Variants in TAF8 observed in about 807,000 individuals in gnomAD.
TAF8 encodes transcription initiation factor TFIID subunit 8.
TAF8 carries 47 observed loss-of-function variants against 36.5 expected under a neutral mutation model. That is an observed-to-expected ratio of 1.29 (90% CI 1.02 to 1.64). The LOEUF (loss-of-function observed/expected upper bound fraction) is 1.64. Ranked by LOEUF, TAF8 falls within the 40% of genes most tolerant of loss-of-function variation. TAF8 has a pLI of 0.00. For synonymous variants in TAF8, 175 were observed against 159.5 expected, an observed-to-expected ratio of 1.10 and a Z score of -0.73; for missense variants, 420 against 407.6, an observed-to-expected ratio of 1.03 and a Z score of -0.26.
chr6:42,066,532 G>A, intron 6 of TAF8, 73 bp downstream of exon 6: 2 of 1,554,058 alleles, frequency 1.3e-6, no homozygotes, highest in Admixed American at 1.7e-5. Context: ...CTCTCAGCAT[G>A]GTAGGAAGAA....
chr6:42,064,956 C>CAAAAAA (rs59214523), intron 5 of TAF8, among the ~76,000 whole-genome samples: 1 of 73,730 alleles, frequency 1.4e-5, no homozygotes, highest in Non-Finnish European at 2.5e-5. Context: ...GACTCTGTCT[C>CAAAAAA]AAAAAAAAAA....
In TAF8 at chr6:42,079,684, G is replaced by T. The variant is rs78287347; in HGVS notation, c.*2139G>T. The stretch of plus-strand genomic sequence containing the variant: ...TTCAAGCAATTCTCAGAGTAGCTGG[G>T]ATTACAGATGCCCGCCACCACATCT... On this transcript the variant is annotated 3_prime_UTR_variant, in exon 9 of 9. Coordinates refer to ENST00000372977, the MANE Select transcript of TAF8 (RefSeq NM_138572.3). 2,028 of 703,294 alleles carry T rather than the reference G, an allele frequency of 2.9e-3. 36 individuals carry two copies. The African/African-American group carries it at 0.037, about 13-fold the overall frequency. The allele number at this position is 703,294 out of a possible 1,614,324, so 43.6% of individuals were successfully genotyped here. A position where few individuals can be genotyped will look rare whatever the true frequency, so the allele number is the denominator to read the frequency against.
At chr6:42,065,191 C>G (rs1765319709) in intron 5 of TAF8, among the ~76,000 whole-genome samples, 1 of 151,334 alleles carries the variant, frequency 6.6e-6, no homozygotes, top group African/African-American at 2.4e-5. Context: ...ACTAAAAATA[C>G]AAAAATTAGC....
At chr6:42,072,024 C>A (rs1765596351) in intron 7 of TAF8, among the ~76,000 whole-genome samples, 1 of 152,174 alleles carries the variant, frequency 6.6e-6, no homozygotes. Context: ...TGCCTAGCTT[C>A]AAATCCAGGC....
At chr6:42,057,246 T>C in intron 4 of TAF8, 143 bp from the exon 5 acceptor site, 1 of 1,210,452 alleles carries the variant, frequency 8.3e-7, no homozygotes, top group Non-Finnish European at 1.2e-6. Flanking sequence ...AAAGACCTTT[T>C]ATCGATTGAA....
At chr6:42,083,350 C>T (rs746786920), downstream of TAF8, 1 of 152,120 alleles carries the variant, frequency 6.6e-6, no homozygotes, top group Non-Finnish European at 1.5e-5. Flanking sequence ...GGTTTCCAGC[C>T]CTCTGTTCTT....
At chr6:42,077,482 A>G (rs1189649357) in intron 8 of TAF8, 51 bp from the exon 9 acceptor site, 4 of 1,607,100 alleles carry the variant, frequency 2.5e-6, no homozygotes, top group Non-Finnish European at 3.4e-6. Context: ...CCCTAGAAGG[A>G]GAGCAGACAG....
At chr6:42,062,498 C>CGAT (rs1765220936) in intron 5 of TAF8, among the ~76,000 whole-genome samples, 1 of 141,048 alleles carries the variant, frequency 7.1e-6, no homozygotes, top group Non-Finnish European at 1.5e-5. Context: ...TCTTCAGTTT[C>CGAT]GATTCTGTTA....
intron 7 of TAF8, among the ~76,000 whole-genome samples, chr6:42,075,283 C>T (rs1263572938): frequency 6.6e-6 from 1 of 152,178 alleles, no homozygotes; most frequent in Non-Finnish European, 1.5e-5. Context: ...GTTGGTCCTG[C>T]AGCACTTGCT....
downstream of TAF8, among the ~76,000 whole-genome samples, chr6:42,084,180 C>CAAA (rs35595303): frequency 0.1 from 6,433 of 63,202 alleles, 440 homozygotes; most frequent in African/African-American, 0.21. Flanking sequence ...GACTCTGTCT[C>CAAA]AAAAAAAAAA....
At chr6:42,085,988 A>G (rs556423344), downstream of TAF8, among the ~76,000 whole-genome samples, 275 of 152,326 alleles carry the variant, frequency 1.8e-3, 1 homozygote, top group African/African-American at 6.3e-3. Flanking sequence ...CATCACAAAA[A>G]GAAAAGAGAG....
At chr6:42,051,006 G>A (rs901617421) in intron 1 of TAF8, 12 of 1,084,802 alleles carry the variant, frequency 1.1e-5, no homozygotes, top group Admixed American at 9.6e-5. Context: ...TGTGAAGATG[G>A]GAGGCACAAG....
At chr6:42,086,194 A>G (rs1252028866), downstream of TAF8, among the ~76,000 whole-genome samples, 1 of 152,234 alleles carries the variant, frequency 6.6e-6, no homozygotes, top group East Asian at 1.9e-4. Flanking sequence ...GCTATTGCCA[A>G]ATGCTCTCCA....
chr6:42,077,779 G>T lies in TAF8; in HGVS notation c.*234G>T. ...AGAATTTTTTTTTTTATTTTGAGAT[G>T]GAGTCTTACTCTATCACCCAGGCTG... On this transcript the variant is annotated 3_prime_UTR_variant, in exon 9 of 9. Coordinates refer to ENST00000372977, the MANE Select transcript of TAF8 (RefSeq NM_138572.3). 1 of 1,360,732 alleles carries T rather than the reference G, an allele frequency of 7.3e-7. No homozygotes were observed. The highest frequency in any genetic ancestry group is 1.6e-5 in the South Asian group (1 of 64,172). The allele number at this position is 1,360,732 out of a possible 1,614,324, so 84.3% of individuals were successfully genotyped here.
chr6:42,054,521 A>G (rs1764908155), intron 2 of TAF8, among the ~76,000 whole-genome samples: 1 of 151,914 alleles, frequency 6.6e-6, no homozygotes. Flanking sequence ...CTTCTAATCT[A>G]CTTTCCATCT....
chr6:42,067,148 A>C (rs1041999118), intron 6 of TAF8, among the ~76,000 whole-genome samples: 2 of 152,238 alleles, frequency 1.3e-5, no homozygotes, highest in Admixed American at 1.3e-4. Context: ...GAACATGGCT[A>C]GTAGACATCA....
Position 42,080,697 on chromosome 6 carries a change from AT to A in TAF8, c.*3156del. 1 of 985,200 alleles carries A rather than the reference AT, an allele frequency of 1.0e-6. No homozygotes were observed. Among genetic ancestry groups the A allele is most frequent in the Non-Finnish European group, 1.2e-6 (1 of 829,862 alleles). 61.0% of individuals were successfully genotyped at this position (985,200 alleles called of 1,614,324 possible). A position where few individuals can be genotyped will look rare whatever the true frequency, so the allele number is the denominator to read the frequency against. On this transcript the variant is annotated 3_prime_UTR_variant, in exon 9 of 9. Transcript: ENST00000372977. ...TGGCCTCAGAGGCTATACTCTTATAATTTTGTTCTGAGGGGAGACAGGGAAA... is the reference window on the plus strand; with the variant it reads ...TGGCCTCAGAGGCTATACTCTTATAATTTGTTCTGAGGGGAGACAGGGAAA...
chr6:42,078,787 A>G lies in TAF8; in HGVS notation c.*1242A>G, dbSNP rs111574105. 29 of 985,404 alleles carry G rather than the reference A, an allele frequency of 2.9e-5. No homozygotes were observed. The South Asian group carries it at 8.5e-4, about 29-fold the overall frequency. The allele number at this position is 985,404 out of a possible 1,614,324, so 61.0% of individuals were successfully genotyped here. On this transcript the variant is annotated 3_prime_UTR_variant, in exon 9 of 9. Transcript: ENST00000372977. ...GACAAGAGCCTAGAGCGTCGGCTCTATTATGCTGGGACTTGACAGAGGAGC... is the reference window on the plus strand; with the variant it reads ...GACAAGAGCCTAGAGCGTCGGCTCTGTTATGCTGGGACTTGACAGAGGAGC...
chr6:42,051,451 A>G lies in TAF8; in HGVS notation c.140A>G (p.Glu47Gly). The G allele has an allele frequency of 2.5e-6, 4 of 1,614,132 alleles. No individual in the cohort carries two copies. Among genetic ancestry groups the G allele is most frequent in the Non-Finnish European group, 3.4e-6 (4 of 1,180,010 alleles). The stretch of plus-strand genomic sequence containing the variant: ...GTGGTTGTGAGCTCCTTGCTGACAG[A>G]GGCAGGGTTTGAGAGTGCCGAGAAA... The part of the protein sequence containing the change: ...LQVVVSSLLT[E>G]AGFESAEKAS... The change falls in exon 2 of 9, where the codon GAG becomes GGG. Residue 47 changes from glutamate to glycine, a missense_variant. Transcript: ENST00000372977.
Sources: gnomAD v4.1 joint callset for allele counts (sites outside exome capture counted in the v4.1 genomes callset) on GRCh38, gnomAD v4.1.1 for gene constraint, MANE v1.5 for transcripts, NCBI Gene and HGNC (gene_info 2026-07-23, HGNC 2026-07-21) for gene names.